B3GALT1: variants seen among roughly 807,000 people sequenced by gnomAD.
The protein encoded by B3GALT1 is UDP-Gal:betaGlcNAc beta 1,3-galactosyltransferase, polypeptide 1.
Under a neutral mutation model 23.2 loss-of-function variants are expected in B3GALT1, and 10 were observed. The ratio of observed to expected loss-of-function variants is 0.43; its 90% CI spans 0.27 to 0.73. The LOEUF is 0.73. Ranked by LOEUF, B3GALT1 falls within the 30% of genes least tolerant of loss-of-function variation. The pLI is 0.21. For missense variants in B3GALT1, 299 were observed against 405.4 expected (o/e 0.74, Z 2.25); for synonymous variants, 156 against 141.5 (o/e 1.10, Z -0.73).
At chr2:167,547,693 CAAAAAAAAAA>C (rs71031296) in intron 2 of B3GALT1, among the ~76,000 whole-genome samples, 1 of 75,500 alleles carries the variant, frequency 1.3e-5, no homozygotes, top group African/African-American at 3.7e-5. Context: ...GACTCTGTCT[CAAAAAAAAAA>C]AAAAAAAAAA....
rs777490459 is a variant in B3GALT1, at chr2:167,820,875, C to T, written c.-230+2082C>T. Among the ~76,000 whole-genome samples, 4 of 152,188 alleles carry T rather than the reference C, an allele frequency of 2.6e-5. No homozygotes were observed. In the South Asian group the frequency reaches 8.3e-4, roughly 32 times the overall value. ...TACAGGCTGCCTGCCTCAGGCTGTT[C>T]TGATGTTTGTTTATATTCCTGGCGA... On this transcript the variant is annotated intron_variant, in intron 4 of 4. Coordinates refer to ENST00000392690, the MANE Select transcript of B3GALT1 (RefSeq NM_020981.4).
intron 2 of B3GALT1, among the ~76,000 whole-genome samples, chr2:167,556,257 A>G (rs1204669067): frequency 2.6e-5 from 4 of 152,156 alleles, no homozygotes; most frequent in Admixed American, 6.6e-5. Context: ...TTAAAAAAAT[A>G]CTGCTGTAAC....
At chr2:167,637,005 G>A (rs1023772490) in intron 2 of B3GALT1, among the ~76,000 whole-genome samples, 12 of 151,762 alleles carry the variant, frequency 7.9e-5, no homozygotes, top group African/African-American at 2.7e-4. Context: ...AAAAAAAATA[G>A]AAGGTAGGTA....
intron 1 of B3GALT1, among the ~76,000 whole-genome samples, chr2:167,348,656 A>G (rs1004537692): frequency 1.3e-4 from 20 of 152,124 alleles, no homozygotes; most frequent in Non-Finnish European, 2.8e-4. Flanking sequence ...AGTTTCTGGC[A>G]TCACAGATTT....
chr2:167,536,410 G>C (rs528335027), intron 2 of B3GALT1, among the ~76,000 whole-genome samples: 2 of 152,264 alleles, frequency 1.3e-5, no homozygotes, highest in South Asian at 4.1e-4. Context: ...CTGAGGCATT[G>C]GTGGTTACAA....
At position 167,529,935 on chromosome 2, in the gene B3GALT1, T is replaced by A. The variant is rs141520641; in HGVS notation, c.-410+39658T>A. On this transcript the variant is annotated intron_variant, in intron 2 of 4. Coordinates refer to ENST00000392690, the MANE Select transcript of B3GALT1 (RefSeq NM_020981.4). Reference sequence around the variant, plus strand: ...AAAATCATAACTCAGATTATGTCACTCCCCTTCTCTCAGTTCTCTAGTGGA... The same window carrying A: ...AAAATCATAACTCAGATTATGTCACACCCCTTCTCTCAGTTCTCTAGTGGA... Among the ~76,000 whole-genome samples the A allele has an allele frequency of 2.5e-4, 38 of 152,180 alleles. No homozygotes were observed. The East Asian group carries it at 6.8e-3, about 27-fold the overall frequency.
chr2:167,431,732 G>A (rs2105307633), intron 1 of B3GALT1, among the ~76,000 whole-genome samples: 1 of 152,280 alleles, frequency 6.6e-6, no homozygotes, highest in Non-Finnish European at 1.5e-5. Context: ...AAAAGGATGG[G>A]CAAAGCATCC....
At chr2:167,325,908 G>T (rs1173509470) in intron 1 of B3GALT1, among the ~76,000 whole-genome samples, 3 of 151,532 alleles carry the variant, frequency 2.0e-5, no homozygotes, top group African/African-American at 7.3e-5. Flanking sequence ...AGTAGAGATG[G>T]GCTTTCACCA....
At chr2:167,313,659 A>T (rs1411049886) in intron 1 of B3GALT1, among the ~76,000 whole-genome samples, 1 of 152,138 alleles carries the variant, frequency 6.6e-6, no homozygotes, top group East Asian at 1.9e-4. Flanking sequence ...GGAAGCTGTC[A>T]TATGGCCTCT....
chr2:167,696,697 A>G (rs962267594), intron 3 of B3GALT1, among the ~76,000 whole-genome samples: 2 of 152,188 alleles, frequency 1.3e-5, no homozygotes, highest in Admixed American at 1.3e-4. Context: ...GACAACCTCA[A>G]GCTGGGAATC....
chr2:167,644,131 T>G (rs1037126445), intron 2 of B3GALT1, among the ~76,000 whole-genome samples: 2 of 152,170 alleles, frequency 1.3e-5, no homozygotes, highest in Admixed American at 6.5e-5. Context: ...TTAGAAATAA[T>G]TATTTTTTAA....
intron 4 of B3GALT1, among the ~76,000 whole-genome samples, chr2:167,823,828 A>G (rs1332153752): frequency 1.3e-5 from 2 of 152,264 alleles, no homozygotes; most frequent in African/African-American, 4.8e-5. Flanking sequence ...AATAAGAATG[A>G]TAATACTGGC....
intron 2 of B3GALT1, among the ~76,000 whole-genome samples, chr2:167,632,422 G>A (rs1486300825): frequency 6.6e-6 from 1 of 152,096 alleles, no homozygotes; most frequent in African/African-American, 2.4e-5. Flanking sequence ...CATTGCAAAA[G>A]TGTTCCTATT....
chr2:167,686,808 G>T (rs1431389852), intron 3 of B3GALT1, among the ~76,000 whole-genome samples: 1 of 152,016 alleles, frequency 6.6e-6, no homozygotes, highest in African/African-American at 2.4e-5. Flanking sequence ...AAACTTGTGG[G>T]TACTGACTAT....
chr2:167,795,212 A>G (rs1317393648), intron 3 of B3GALT1, among the ~76,000 whole-genome samples: 1 of 152,210 alleles, frequency 6.6e-6, no homozygotes, highest in Non-Finnish European at 1.5e-5. Flanking sequence ...CCATGAACCT[A>G]TGTAGAAGAT....
chr2:167,744,422 C>T (rs574994244), intron 3 of B3GALT1, among the ~76,000 whole-genome samples: 6 of 152,222 alleles, frequency 3.9e-5, no homozygotes, highest in African/African-American at 1.4e-4. Context: ...TTATAGATCT[C>T]TCATGAATTA....
intron 1 of B3GALT1, among the ~76,000 whole-genome samples, chr2:167,377,311 G>A (rs1452183597): frequency 1.3e-5 from 2 of 152,064 alleles, no homozygotes; most frequent in African/African-American, 4.8e-5. Flanking sequence ...GTATATTGTG[G>A]TTGATGGGTA....
At chr2:167,619,850 C>T (rs1178533087) in intron 2 of B3GALT1, among the ~76,000 whole-genome samples, 1 of 151,976 alleles carries the variant, frequency 6.6e-6, no homozygotes, top group East Asian at 1.9e-4. Context: ...CTGCAGTGGC[C>T]AGATATGATG....
chr2:167,563,486 C>T (rs13003578), intron 2 of B3GALT1, among the ~76,000 whole-genome samples: 36 of 84,808 alleles, frequency 4.2e-4, no homozygotes, highest in African/African-American at 7.1e-4. Flanking sequence ...TAGGGGCGGC[C>T]GGGCAGAGGC....
Sources: allele counts gnomAD v4.1 joint callset (sites outside exome capture counted in the v4.1 genomes callset), GRCh38; gene constraint gnomAD v4.1.1; transcripts MANE v1.5; gene names NCBI Gene and HGNC (gene_info 2026-07-23, HGNC 2026-07-21).